OGDHL: variants seen among roughly 807,000 people sequenced by gnomAD.
The protein encoded by OGDHL is oxoglutarate dehydrogenase L.
Under a neutral mutation model 109.6 loss-of-function variants are expected in OGDHL, and 79 were observed. That is an observed-to-expected ratio of 0.72 (90% confidence interval 0.60 to 0.87). The LOEUF (loss-of-function observed/expected upper bound fraction) is 0.87, where lower values mean the gene tolerates loss of function less well. OGDHL is among the 40% of genes least tolerant of loss of function. The probability of loss-of-function intolerance (pLI) is 0.00; values close to 1 mark genes in which losing one functional copy is unlikely to be tolerated. For synonymous variants in OGDHL, 528 were observed against 537.2 expected (o/e 0.98, Z 0.24); for missense variants, 1,275 against 1,362.2 (o/e 0.94, Z 1.01).
At chr10:49,759,429 C>T (rs949868574) in intron 1 of OGDHL, among the ~76,000 whole-genome samples, 2 of 152,078 alleles carry the variant, frequency 1.3e-5, no homozygotes, top group African/African-American at 4.8e-5. Flanking sequence ...CTCATCTCAC[C>T]TCACTCTGTC....
chr10:49,758,751 C>T, intron 1 of OGDHL, 158 bp from the exon 2 acceptor site: 1 of 716,624 alleles, frequency 1.4e-6, no homozygotes, highest in Non-Finnish European at 2.3e-6. Context: ...CTCTCCCAGC[C>T]CCCTGGGCTT....
intron 15 of OGDHL, among the ~76,000 whole-genome samples, chr10:49,741,709 CACAT>C (rs1421899943): frequency 6.7e-6 from 1 of 150,026 alleles, no homozygotes; most frequent in Non-Finnish European, 1.5e-5. Context: ...ACACACCAAA[CACAT>C]ACATACACAC....
chr10:49,752,638 C>T lies in OGDHL; in HGVS notation c.478G>A (p.Ala160Thr), dbSNP rs1325090073. 1 of 1,613,578 alleles carries T rather than the reference C, an allele frequency of 6.2e-7. No individual in the cohort carries two copies. The highest frequency in any genetic ancestry group is 2.2e-5 in the East Asian group (1 of 44,892). ...SDLITTIDKLAFYDLQEADLD... is the reference protein window; with the variant it reads ...SDLITTIDKLTFYDLQEADLD... ...TGGCCGTCCTGAGGAAGGGTCTTAC[C>T]CAGTTTATCAATGGTTGTGATCAAG... The change falls in exon 4 of 23, where the codon GCC becomes ACC. Residue 160 changes from alanine (A) to threonine (T), a missense_variant and splice_region_variant. By Grantham distance (58) the Ala-to-Thr change is moderately conservative (BLOSUM62 0). Coordinates refer to ENST00000374103, the MANE Select transcript of OGDHL (RefSeq NM_018245.3).
At chr10:49,745,999 G>A (rs1221401470) in intron 10 of OGDHL, 22 bp from the exon 11 acceptor site, 1 of 1,610,714 alleles carries the variant, frequency 6.2e-7, no homozygotes, top group Non-Finnish European at 8.5e-7. Flanking sequence ...GGAGAAACCT[G>A]CTGCGCCTCT....
At position 49,758,790 on chromosome 10, in the gene OGDHL, A is replaced by G. The variant is rs754144347; in HGVS notation, c.-1-197T>C. ...GTCTGGTGGAAGCTCCCAGCTCAGT[A>G]AACTCTATCAATAGATATCAAACAG... On this transcript the variant is annotated intron_variant, in intron 1 of 22. Transcript: ENST00000374103. The G allele has an allele frequency of 9.4e-5, 58 of 614,882 alleles. No homozygotes were observed. In the Middle Eastern group the frequency reaches 2.6e-3, roughly 27 times the overall value. The allele number at this position is 614,882 out of a possible 1,614,324, so 38.1% of individuals were successfully genotyped here.
intron 22 of OGDHL, 99 bp from the exon 23 acceptor site, chr10:49,735,450 G>A (rs922532487): frequency 1.4e-5 from 20 of 1,420,416 alleles, no homozygotes; most frequent in African/African-American, 8.6e-5. Flanking sequence ...TCTGAGAACC[G>A]CTGACCTCGA....
In OGDHL at chr10:49,759,823, C is replaced by T. The variant is rs376795387; in HGVS notation, c.-1-1230G>A. ...ACCACCCCACAAGGGGTCGCCCAGGCGGGAGGAGTCCCCTACCCCTGGACA... is the reference window on the plus strand; with the variant it reads ...ACCACCCCACAAGGGGTCGCCCAGGTGGGAGGAGTCCCCTACCCCTGGACA... On this transcript the variant is annotated intron_variant, in intron 1 of 22. Coordinates refer to ENST00000374103, the MANE Select transcript of OGDHL (RefSeq NM_018245.3). 5.9e-5 allele frequency among the ~76,000 whole-genome samples: 9 copies of T among 152,330 alleles called. No individual in the cohort carries two copies. The East Asian group carries it at 1.2e-3, about 20-fold the overall frequency.
intron 21 of OGDHL, 47 bp downstream of exon 21, chr10:49,736,310 G>A (rs1159294067): frequency 4.4e-6 from 7 of 1,607,746 alleles, no homozygotes; most frequent in South Asian, 1.1e-5. Context: ...CGGGGCCAGC[G>A]ACGTGAGCTT....
chr10:49,742,259 C>G (rs1393065440), intron 15 of OGDHL, among the ~76,000 whole-genome samples: 1 of 134,904 alleles, frequency 7.4e-6, no homozygotes, highest in Non-Finnish European at 1.6e-5. Context: ...CACACATACC[C>G]CATACACACT....
chr10:49,736,301 G>C (rs569009016), intron 21 of OGDHL, 56 bp downstream of exon 21: 1 of 1,604,018 alleles, frequency 6.2e-7, no homozygotes, highest in South Asian at 1.1e-5. Context: ...GGCCAGAGCC[G>C]GGGCCAGCGA....
intron 22 of OGDHL, among the ~76,000 whole-genome samples, chr10:49,735,746 T>C (rs549122779): frequency 2.8e-4 from 43 of 152,316 alleles, no homozygotes; most frequent in African/African-American, 1.0e-3. Flanking sequence ...TCAGATCTAA[T>C]CTTATCACCG....
chr10:49,740,323 T>C (rs1306460383), intron 16 of OGDHL, among the ~76,000 whole-genome samples: 1 of 151,932 alleles, frequency 6.6e-6, no homozygotes, highest in Non-Finnish European at 1.5e-5. Flanking sequence ...AGTGCAGTGT[T>C]CCTAGGGTGC....
intron 11 of OGDHL, 82 bp downstream of exon 11, chr10:49,745,716 T>C (rs1842129638): frequency 1.3e-6 from 2 of 1,510,986 alleles, no homozygotes; most frequent in African/African-American, 1.4e-5. Flanking sequence ...CCCTGAGTGC[T>C]GAAGATGCTG....
At chr10:49,752,505 T>C (rs551144109) in intron 4 of OGDHL, 133 bp downstream of exon 4, 14 of 775,742 alleles carry the variant, frequency 1.8e-5, no homozygotes, top group African/African-American at 1.4e-4. Context: ...ACAGGCAAGG[T>C]AGAAAGGAGG....
At chr10:49,747,605 C>G (rs1187039671) in intron 8 of OGDHL, among the ~76,000 whole-genome samples, 1 of 152,242 alleles carries the variant, frequency 6.6e-6, no homozygotes, top group African/African-American at 2.4e-5. Context: ...CAATGAGGAA[C>G]ACACAACATT....
Position 49,744,708 on chromosome 10 carries a change from G to A in OGDHL, c.1674C>T (p.Gly558=). ...KYDRICEEAY[G]RSKDKKILHI... ...GCAGAATCTTTTTATCCTTGGACCT[G>A]CCATAAGCCTCCTCACAGATCCGGT... Residue 558 remains glycine, a synonymous_variant, in exon 13 of 23, where the codon GGC becomes GGT. Transcript: ENST00000374103. 6.2e-7 allele frequency: 1 copy of A among 1,614,158 alleles called. No homozygotes were observed. The highest frequency in any genetic ancestry group is 8.5e-7 in the Non-Finnish European group (1 of 1,180,008).
chr10:49,752,058 G>C (rs1272123285), intron 5 of OGDHL, 75 bp downstream of exon 5: 1 of 1,609,834 alleles, frequency 6.2e-7, no homozygotes, highest in East Asian at 2.2e-5. Flanking sequence ...GAACAAAAAA[G>C]ACAGTGCCTT....
intron 3 of OGDHL, among the ~76,000 whole-genome samples, chr10:49,754,073 T>A (rs1258133735): frequency 6.6e-6 from 1 of 152,158 alleles, no homozygotes; most frequent in African/African-American, 2.4e-5. Flanking sequence ...TTGTAGCACG[T>A]TAGAAGCATC....
chr10:49,749,894 G>C (rs896858314), intron 7 of OGDHL, 78 bp from the exon 8 acceptor site: 10 of 1,293,412 alleles, frequency 7.7e-6, no homozygotes, highest in African/African-American at 5.9e-5. Flanking sequence ...TGGAGGCCTG[G>C]CCTGGCCTAA....
Sources: allele counts gnomAD v4.1 joint callset (sites outside exome capture counted in the v4.1 genomes callset), GRCh38; gene constraint gnomAD v4.1.1; transcripts MANE v1.5; gene names NCBI Gene and HGNC (gene_info 2026-07-23, HGNC 2026-07-21).